PLEKHB2: variants seen among roughly 807,000 people sequenced by gnomAD.
PLEKHB2 encodes pleckstrin homology domain containing B2.
PLEKHB2 carries 31 observed loss-of-function variants against 36.5 expected under a neutral mutation model. The ratio of observed to expected loss-of-function variants is 0.85; its 90% CI spans 0.64 to 1.15. The LOEUF (loss-of-function observed/expected upper bound fraction) is 1.15, where lower values mean the gene tolerates loss of function less well. Among genes scored for constraint, PLEKHB2 ranks in the 50% most tolerant of loss-of-function variants. PLEKHB2 has a pLI of 0.00. For missense variants in PLEKHB2, 262 were observed against 295.3 expected, an observed-to-expected ratio of 0.89 and a Z score of 0.83; for synonymous variants, 119 against 112.0, an observed-to-expected ratio of 1.06 and a Z score of -0.39.
At chr2:131,127,838 G>A (rs1172795578) in intron 4 of PLEKHB2, among the ~76,000 whole-genome samples, 1 of 152,126 alleles carries the variant, frequency 6.6e-6, no homozygotes, top group Non-Finnish European at 1.5e-5. Flanking sequence ...GTTACTTTTT[G>A]GAAAAGCTAG....
At chr2:131,143,047 T>C (rs142374579) in intron 7 of PLEKHB2, among the ~76,000 whole-genome samples, 1 of 152,356 alleles carries the variant, frequency 6.6e-6, no homozygotes, top group Non-Finnish European at 1.5e-5. Flanking sequence ...ATAGTACTCA[T>C]TCAGTTACAT....
intron 1 of PLEKHB2, among the ~76,000 whole-genome samples, chr2:131,109,618 A>G (rs1169847325): frequency 6.6e-6 from 1 of 152,084 alleles, no homozygotes; most frequent in East Asian, 1.9e-4. Context: ...TGAACCTGGA[A>G]GGCGATGGGT....
intron 2 of PLEKHB2, among the ~76,000 whole-genome samples, chr2:131,121,389 C>G (rs1230529392): frequency 1.3e-5 from 2 of 152,152 alleles, no homozygotes; most frequent in African/African-American, 4.8e-5. Context: ...GCTGGGATCA[C>G]AGGCACACAC....
intron 6 of PLEKHB2, among the ~76,000 whole-genome samples, chr2:131,135,289 A>G (rs1189510834): frequency 1.3e-5 from 2 of 152,022 alleles, no homozygotes; most frequent in Non-Finnish European, 2.9e-5. Context: ...GCTAGTTTCA[A>G]ACTCCTGACC....
At chr2:131,130,585 C>G in intron 4 of PLEKHB2, 136 bp from the exon 5 acceptor site, 1 of 705,336 alleles carries the variant, frequency 1.4e-6, no homozygotes. Context: ...TAGTGCATGT[C>G]TCAAGTGGTT....
At chr2:131,118,867 C>CAAAAAAAAA (rs138450500) in intron 1 of PLEKHB2, 4 of 45,210 alleles carry the variant, frequency 8.8e-5, no homozygotes, top group African/African-American at 2.3e-4. Flanking sequence ...GATTCCGTCT[C>CAAAAAAAAA]AAAAAAAAAA....
chr2:131,140,391 G>A (rs974601432), intron 7 of PLEKHB2, 116 bp downstream of exon 7: 1 of 610,508 alleles, frequency 1.6e-6, no homozygotes, highest in Admixed American at 3.2e-5. Flanking sequence ...TTTTCTGGTT[G>A]TAGACTACAA....
intron 3 of PLEKHB2, 66 bp from the exon 4 acceptor site, chr2:131,126,618 G>A (rs1697129326): frequency 1.1e-6 from 1 of 880,896 alleles, no homozygotes; most frequent in Admixed American, 1.7e-5. Flanking sequence ...CTCTGAGCTG[G>A]TAGTTCTTAG....
At chr2:131,126,041 T>A in intron 3 of PLEKHB2, 136 bp downstream of exon 3, 1 of 786,878 alleles carries the variant, frequency 1.3e-6, no homozygotes, top group Non-Finnish European at 2.0e-6. Flanking sequence ...GCGACCACAG[T>A]GGGGCCCCAG....
At chr2:131,135,290 A>T (rs1698129206) in intron 6 of PLEKHB2, among the ~76,000 whole-genome samples, 2 of 151,342 alleles carry the variant, frequency 1.3e-5, no homozygotes, top group East Asian at 1.9e-4. Flanking sequence ...CTAGTTTCAA[A>T]CTCCTGACCA....
chr2:131,134,275 C>G (rs1478041099), intron 6 of PLEKHB2, among the ~76,000 whole-genome samples: 1 of 152,072 alleles, frequency 6.6e-6, no homozygotes, highest in Non-Finnish European at 1.5e-5. Context: ...CAACCTCCAC[C>G]TCCCGGGTTC....
intron 5 of PLEKHB2, 97 bp downstream of exon 5, chr2:131,130,857 T>C: frequency 2.4e-6 from 2 of 832,792 alleles, no homozygotes; most frequent in East Asian, 4.9e-5. Flanking sequence ...CTCACCTCAC[T>C]GCAGCCTCTA....
At chr2:131,117,310 C>G (rs1480847538) in intron 1 of PLEKHB2, among the ~76,000 whole-genome samples, 20 of 151,842 alleles carry the variant, frequency 1.3e-4, no homozygotes, top group Admixed American at 1.0e-3. Context: ...GCCCGTAATT[C>G]TAGCTACTTG....
intron 7 of PLEKHB2, among the ~76,000 whole-genome samples, chr2:131,143,852 G>A (rs1051247831): frequency 6.6e-6 from 1 of 152,186 alleles, no homozygotes; most frequent in Non-Finnish European, 1.5e-5. Context: ...TGTATAGAGA[G>A]CACAGATATT....
intron 6 of PLEKHB2, among the ~76,000 whole-genome samples, chr2:131,134,048 C>T (rs953078253): frequency 2.6e-5 from 4 of 150,976 alleles, no homozygotes; most frequent in Non-Finnish European, 5.9e-5. Flanking sequence ...TACAGGCGCC[C>T]GCCACCACGC....
chr2:131,123,766 A>ACCACCCCCCCC (rs1696781973), intron 2 of PLEKHB2, among the ~76,000 whole-genome samples: 1 of 11,530 alleles, frequency 8.7e-5, no homozygotes. Context: ...CTCCTGGTCC[A>ACCACCCCCCCC]CCCCCCCCAC....
chr2:131,145,743 A>T (rs1699222138), intron 7 of PLEKHB2, among the ~76,000 whole-genome samples: 1 of 152,258 alleles, frequency 6.6e-6, no homozygotes, highest in South Asian at 2.1e-4. Context: ...ATAGCTGTGA[A>T]GCATGGAAGA....
chr2:131,137,161 A>G (rs1698348116), intron 6 of PLEKHB2, among the ~76,000 whole-genome samples: 1 of 148,974 alleles, frequency 6.7e-6, no homozygotes, highest in South Asian at 2.1e-4. Context: ...GTTAGCCAGG[A>G]CGGTCTCGAT....
At chr2:131,116,007 G>A (rs1031617306) in intron 1 of PLEKHB2, among the ~76,000 whole-genome samples, 8 of 152,172 alleles carry the variant, frequency 5.3e-5, no homozygotes, top group African/African-American at 1.9e-4. Flanking sequence ...ATGAGGAGAG[G>A]TAGACAGGAT....
Sources: gnomAD v4.1 joint callset for allele counts (sites outside exome capture counted in the v4.1 genomes callset) on GRCh38, gnomAD v4.1.1 for gene constraint, MANE v1.5 for transcripts, NCBI Gene and HGNC (gene_info 2026-07-23, HGNC 2026-07-21) for gene names.